The following NF1 variants were observed in gnomAD, a reference collection of about 807,000 sequenced individuals.
NF1 encodes neurofibromin 1.
A neutral mutation model predicts 325.7 loss-of-function variants in NF1; 122 were observed. The ratio of observed to expected loss-of-function variants is 0.37; its 90% CI spans 0.32 to 0.44. The LOEUF (loss-of-function observed/expected upper bound fraction) is 0.44, where lower values mean the gene tolerates loss of function less well. NF1 is among the 20% of genes least tolerant of loss of function. The probability of loss-of-function intolerance (pLI) is 1.00; values close to 1 mark genes in which losing one functional copy is unlikely to be tolerated. For missense variants in NF1, 2,140 were observed against 3,415.4 expected (o/e 0.63, Z 9.31); for synonymous variants, 1,091 against 1,186.0 (o/e 0.92, Z 1.65).
intron 39 of NF1, chr17:31,330,700 A>T: frequency 1.7e-6 from 1 of 577,002 alleles, no homozygotes. Flanking sequence ...AATCCACCAA[A>T]ATTCTGATAA....
intron 1 of NF1, among the ~76,000 whole-genome samples, chr17:31,121,034 CACA>C (rs1013139726): frequency 5.3e-5 from 8 of 151,676 alleles, no homozygotes; most frequent in Non-Finnish European, 7.4e-5. Flanking sequence ...TAAAAAAAAA[CACA>C]ACAACCATGT....
In NF1 at chr17:31,259,084, G is replaced by A. The variant is rs370852681; in HGVS notation, c.4385G>A (p.Arg1462Gln). 3.7e-6 allele frequency: 6 copies of A among 1,604,642 alleles called. No individual in the cohort carries two copies. The highest frequency in any genetic ancestry group is 4.3e-6 in the Non-Finnish European group (5 of 1,174,476). ...HVLFTKEEHM[R>Q]PFNDFVKSNF... ...CTCTTCACAAAAGAAGAACATATGC[G>A]GCCTTTCAATGATTTTGTGAAAAGC... Residue 1462 changes from arginine (R) to glutamine (Q), a missense_variant, in exon 33 of 58, where the codon CGG becomes CAG. Arg to Gln is a conservative substitution (Grantham distance 43). Coordinates refer to ENST00000358273, the MANE Select transcript of NF1 (RefSeq NM_001042492.3).
At chr17:31,222,130 A>C (rs2066935055) in intron 15 of NF1, 1 of 1,286,394 alleles carries the variant, frequency 7.8e-7, no homozygotes, top group Non-Finnish European at 9.8e-7. Flanking sequence ...TTAGAAAATA[A>C]ATTTTAAGAA....
At chr17:31,181,820 CTT>C (rs748750291) in intron 7 of NF1, 35 bp downstream of exon 7, 1 of 950,018 alleles carries the variant, frequency 1.1e-6, no homozygotes, top group Non-Finnish European at 1.5e-6. Flanking sequence ...TTTTTTTTGT[CTT>C]TTAAATGCCT....
intron 12 of NF1, among the ~76,000 whole-genome samples, chr17:31,214,129 T>C (rs2066777749): frequency 6.6e-6 from 1 of 152,172 alleles, no homozygotes; most frequent in Non-Finnish European, 1.5e-5. Context: ...TTTTCCCTTA[T>C]GTTTTTACAT....
intron 40 of NF1, among the ~76,000 whole-genome samples, chr17:31,335,725 C>T (rs992993428): frequency 6.6e-6 from 1 of 151,984 alleles, no homozygotes. Flanking sequence ...GTCACCCAGG[C>T]TGGAGTGCAG....
chr17:31,364,907 A>G (rs756021377), intron 57 of NF1, among the ~76,000 whole-genome samples: 17 of 152,330 alleles, frequency 1.1e-4, no homozygotes, highest in South Asian at 2.1e-4. Context: ...CATTTACTTT[A>G]TGATATATAA....
chr17:31,107,002 T>C (rs1007116446), intron 1 of NF1, among the ~76,000 whole-genome samples: 18 of 152,214 alleles, frequency 1.2e-4, no homozygotes, highest in Admixed American at 3.3e-4. Context: ...TCAACTTTGG[T>C]AGTATTTGAA....
At chr17:31,158,808 A>G (rs1470359330) in intron 2 of NF1, among the ~76,000 whole-genome samples, 1 of 152,148 alleles carries the variant, frequency 6.6e-6, no homozygotes, top group Non-Finnish European at 1.5e-5. Flanking sequence ...AGACTCTAAT[A>G]AATGCCATTT....
intron 1 of NF1, among the ~76,000 whole-genome samples, chr17:31,110,486 C>T (rs753895892): frequency 3.3e-5 from 5 of 152,026 alleles, no homozygotes; most frequent in Non-Finnish European, 5.9e-5. Context: ...ATCCCTTTTG[C>T]CTAATAGAGG....
At position 31,349,121 on chromosome 17, in the gene NF1, G is replaced by A. The variant is rs773474652; in HGVS notation, c.7191G>A (p.Gly2397=). 6 of 1,586,030 alleles carry A rather than the reference G, an allele frequency of 3.8e-6. No homozygotes were observed. The highest frequency in any genetic ancestry group is 1.7e-4 in the Middle Eastern group (1 of 6,026). The change falls in exon 49 of 58, where the codon GGG becomes GGA. Residue 2397 remains glycine, a splice_region_variant and synonymous_variant. Coordinates refer to ENST00000358273, the MANE Select transcript of NF1 (RefSeq NM_001042492.3). ...TGTTTGTTTGTTTGTTTTTTGTAGGGTACAGGCATCCTTCACCTGCTATTG... is the reference window on the plus strand; with the variant it reads ...TGTTTGTTTGTTTGTTTTTTGTAGGATACAGGCATCCTTCACCTGCTATTG... ...NFALVGHLLK[G]YRHPSPAIVA...
intron 12 of NF1, among the ~76,000 whole-genome samples, chr17:31,212,993 G>T (rs993306163): frequency 2.2e-4 from 33 of 152,146 alleles, no homozygotes; most frequent in Admixed American, 2.2e-3. Flanking sequence ...TTTTGGAAAT[G>T]ATTCTTAAGG....
chr17:31,117,281 T>C (rs572493212), intron 1 of NF1, among the ~76,000 whole-genome samples: 27 of 152,018 alleles, frequency 1.8e-4, no homozygotes, highest in South Asian at 4.1e-4. Context: ...GTGCCTGACC[T>C]CCAAAACCGT....
chr17:31,167,132 C>T (rs912151342), intron 4 of NF1, among the ~76,000 whole-genome samples: 1 of 152,130 alleles, frequency 6.6e-6, no homozygotes, highest in Non-Finnish European at 1.5e-5. Context: ...AAATTTTTCT[C>T]CCATTTTTCA....
intron 4 of NF1, among the ~76,000 whole-genome samples, chr17:31,168,628 C>T (rs1298135174): frequency 6.6e-6 from 1 of 151,984 alleles, no homozygotes; most frequent in African/African-American, 2.4e-5. Flanking sequence ...ATTGGATTCA[C>T]GTTCATTTGG....
intron 36 of NF1, among the ~76,000 whole-genome samples, chr17:31,275,244 C>T (rs561005581): frequency 2.8e-4 from 43 of 152,230 alleles, no homozygotes; most frequent in South Asian, 1.5e-3. Flanking sequence ...CCATGGTCCA[C>T]CATGGTCTGA....
Position 31,295,295 on chromosome 17 carries a change from T to C in NF1, c.4835+29956T>C, listed in dbSNP as rs140194473. The C allele has an allele frequency of 5.4e-5, 87 of 1,614,168 alleles. No homozygotes were observed. In the African/African-American group the frequency reaches 9.3e-4, roughly 17 times the overall value. On this transcript the variant is annotated intron_variant, in intron 36 of 57. Coordinates refer to ENST00000358273, the MANE Select transcript of NF1 (RefSeq NM_001042492.3). ...AGTTAGAGTTGCAGCTGCTGCTTCA[T>C]GTGAATTGATAGTCTCTGTGGATGT...
intron 36 of NF1, among the ~76,000 whole-genome samples, chr17:31,313,555 A>C (rs907969171): frequency 2.6e-5 from 4 of 151,970 alleles, no homozygotes; most frequent in African/African-American, 7.3e-5. Context: ...AATACAAAAA[A>C]ATTAGCCAGG....
chr17:31,349,093 G>A (rs1435517771), intron 48 of NF1, 27 bp from the exon 49 acceptor site: 1 of 1,550,700 alleles, frequency 6.4e-7, no homozygotes, highest in Non-Finnish European at 8.7e-7. Context: ...TTACTTGTTT[G>A]TTTGTTTGTT....
Sources: allele counts gnomAD v4.1 joint callset (sites outside exome capture counted in the v4.1 genomes callset), GRCh38; gene constraint gnomAD v4.1.1; transcripts MANE v1.5; gene names NCBI Gene and HGNC (gene_info 2026-07-23, HGNC 2026-07-21).